The following SPATA6 variants were observed in gnomAD, a reference collection of about 807,000 sequenced individuals.
The protein encoded by SPATA6 is spermatogenesis associated 6, also known as spermatogenesis-associated protein 6.
SPATA6 carries 56 observed loss-of-function variants against 65.3 expected under a neutral mutation model. The ratio of observed to expected loss-of-function variants is 0.86; its 90% CI spans 0.69 to 1.07. SPATA6 has a LOEUF of 1.07. SPATA6 is among the 50% of genes least tolerant of loss of function. The pLI is 0.00. For synonymous variants in SPATA6, 199 were observed against 213.2 expected, an observed-to-expected ratio of 0.93 and a Z score of 0.58; for missense variants, 590 against 594.8, an observed-to-expected ratio of 0.99 and a Z score of 0.08.
At chr1:48,325,165 G>T (rs1178466115) in intron 11 of SPATA6, 10 of 642,736 alleles carry the variant, frequency 1.6e-5, no homozygotes, top group Non-Finnish European at 2.5e-5. Flanking sequence ...CAGTTTCAGG[G>T]TTATGGACTG....
At chr1:48,402,464 C>T (rs1022110695) in intron 6 of SPATA6, among the ~76,000 whole-genome samples, 1 of 148,506 alleles carries the variant, frequency 6.7e-6, no homozygotes, top group Non-Finnish European at 1.5e-5. Context: ...ATCTCTAAAA[C>T]AAGTCAATAA....
intron 10 of SPATA6, among the ~76,000 whole-genome samples, chr1:48,356,112 A>T (rs1277540187): frequency 6.6e-6 from 1 of 152,206 alleles, no homozygotes; most frequent in African/African-American, 2.4e-5. Flanking sequence ...AAATGTGTAT[A>T]ATAGACAAAA....
In SPATA6 at chr1:48,298,014, A is replaced by T. The variant is rs1368206420; in HGVS notation, c.*699T>A. ...CCAAAAGGTATGGCCCTAGAAAAAA[A>T]ATCATGCAAAGAATTTTATCTTTAA... On this transcript the variant is annotated 3_prime_UTR_variant, in exon 13 of 13. Transcript: ENST00000371847. 2.0e-5 allele frequency: 3 copies of T among 152,208 alleles called. No homozygotes were observed. The highest frequency in any genetic ancestry group is 6.5e-5 in the Admixed American group (1 of 15,276). 9.4% of individuals were successfully genotyped at this position (152,208 alleles called of 1,614,324 possible).
intron 12 of SPATA6, 28 bp downstream of exon 12, chr1:48,305,759 G>C (rs201001450): frequency 6.7e-7 from 1 of 1,497,584 alleles, no homozygotes; most frequent in East Asian, 2.4e-5. Context: ...AGAACTATGA[G>C]AAGGATATAC....
intron 11 of SPATA6, among the ~76,000 whole-genome samples, chr1:48,342,595 G>A (rs780067053): frequency 7.6e-5 from 11 of 144,460 alleles, no homozygotes; most frequent in Non-Finnish European, 1.6e-4. Context: ...CAGCCTGGGT[G>A]ACAGAGCGAG....
intron 9 of SPATA6, among the ~76,000 whole-genome samples, chr1:48,367,139 G>C (rs1245290418): frequency 6.6e-6 from 1 of 152,164 alleles, no homozygotes; most frequent in Non-Finnish European, 1.5e-5. Flanking sequence ...GTTCTAGTTT[G>C]ATTGCACTGT....
chr1:48,436,596 T>C (rs1654959089), intron 3 of SPATA6: 1 of 1,613,460 alleles, frequency 6.2e-7, no homozygotes, highest in Non-Finnish European at 8.5e-7. Context: ...ATAGTTTGGT[T>C]AAGCATGGAC....
chr1:48,329,880 C>T (rs1231647105), intron 11 of SPATA6, among the ~76,000 whole-genome samples: 2 of 152,222 alleles, frequency 1.3e-5, no homozygotes, highest in Non-Finnish European at 2.9e-5. Context: ...AGGAGAATCA[C>T]CCCGTCACCC....
intron 11 of SPATA6, among the ~76,000 whole-genome samples, chr1:48,336,786 A>C (rs1357423906): frequency 6.6e-6 from 1 of 151,948 alleles, no homozygotes; most frequent in Non-Finnish European, 1.5e-5. Context: ...CTAAAATAAA[A>C]TTTCTTAAAA....
intron 11 of SPATA6, among the ~76,000 whole-genome samples, chr1:48,329,487 C>A (rs1210002239): frequency 6.6e-6 from 1 of 152,152 alleles, no homozygotes; most frequent in Admixed American, 6.5e-5. Context: ...TGAACAAATT[C>A]TTAAAACATA....
the SPATA6 span, among the ~76,000 whole-genome samples, chr1:48,283,065 C>T: frequency 4.9e-4 from 74 of 151,686 alleles, 1 homozygote; most frequent in Non-Finnish European, 1.0e-3. Flanking sequence ...TCATCATTCT[C>T]AGTAAACTAT....
At chr1:48,464,145 C>CA (rs1011373622) in intron 1 of SPATA6, among the ~76,000 whole-genome samples, 36 of 151,302 alleles carry the variant, frequency 2.4e-4, no homozygotes, top group African/African-American at 8.5e-4. Context: ...TTTTTTAAGC[C>CA]AAAAAAATGG....
intron 3 of SPATA6, among the ~76,000 whole-genome samples, chr1:48,413,376 G>T (rs999810304): frequency 6.7e-6 from 1 of 148,766 alleles, no homozygotes; most frequent in Non-Finnish European, 1.5e-5. Flanking sequence ...TGCAACCTCC[G>T]CCTCCCGGAT....
At chr1:48,284,507 G>T in the SPATA6 span, among the ~76,000 whole-genome samples, 1 of 152,158 alleles carries the variant, frequency 6.6e-6, no homozygotes, top group Non-Finnish European at 1.5e-5. Flanking sequence ...AAGATAAGAG[G>T]CATTCTGGTT....
At chr1:48,438,384 AAAAG>A (rs1237348588) in intron 3 of SPATA6, among the ~76,000 whole-genome samples, 37 of 152,274 alleles carry the variant, frequency 2.4e-4, no homozygotes, top group Admixed American at 2.4e-3. Context: ...TTGGCCAGTT[AAAAG>A]CGACTAGCGC....
At chr1:48,289,805 AG>A in the SPATA6 span, among the ~76,000 whole-genome samples, 1 of 152,222 alleles carries the variant, frequency 6.6e-6, no homozygotes, top group African/African-American at 2.4e-5. Flanking sequence ...CAGAGAAAAA[AG>A]AGTACAAAGA....
intron 1 of SPATA6, among the ~76,000 whole-genome samples, chr1:48,465,930 T>C (rs908673680): frequency 6.6e-6 from 1 of 152,200 alleles, no homozygotes; most frequent in Non-Finnish European, 1.5e-5. Flanking sequence ...TATCAACTGC[T>C]ATTATGTTAT....
In SPATA6 at chr1:48,409,602, C is replaced by T. The variant is rs1652025827; in HGVS notation, c.405+1862G>A. Among the ~76,000 whole-genome samples the T allele has an allele frequency of 2.0e-5, 3 of 152,238 alleles. No homozygotes were observed. In the South Asian group the frequency reaches 6.2e-4, roughly 31 times the overall value. On this transcript the variant is annotated intron_variant, in intron 5 of 12. Transcript: ENST00000371847. ...CCTAGCAGAGGTTCTCCATGAGCAC[C>T]TCGCCCCTGCAGCAAACTTCTGCCT...
chr1:48,389,563 T>C (rs1199798809), intron 8 of SPATA6, among the ~76,000 whole-genome samples: 2 of 151,956 alleles, frequency 1.3e-5, no homozygotes, highest in Admixed American at 6.6e-5. Context: ...GAAACCCCCA[T>C]TAGACTAACA....
Sources: gnomAD v4.1 joint callset for allele counts (sites outside exome capture counted in the v4.1 genomes callset) on GRCh38, gnomAD v4.1.1 for gene constraint, MANE v1.5 for transcripts, NCBI Gene and HGNC (gene_info 2026-07-23, HGNC 2026-07-21) for gene names.